The following VPS13B variants were observed in gnomAD, a reference collection of about 807,000 sequenced individuals.
The protein encoded by VPS13B is intermembrane lipid transfer protein VPS13B.
A neutral mutation model predicts 426.4 loss-of-function variants in VPS13B; 285 were observed. That is an observed-to-expected ratio of 0.67 (90% CI 0.61 to 0.74). The LOEUF (loss-of-function observed/expected upper bound fraction) is 0.74. VPS13B is among the 30% of genes least tolerant of loss of function. The probability of loss-of-function intolerance (pLI) is 0.00; values close to 1 mark genes in which losing one functional copy is unlikely to be tolerated. For synonymous variants in VPS13B, 1,676 were observed against 1,676.4 expected, an observed-to-expected ratio of 1.00 and a Z score of 0.01; for missense variants, 4,537 against 4,782.6, an observed-to-expected ratio of 0.95 and a Z score of 1.51.
intron 43 of VPS13B, among the ~76,000 whole-genome samples, chr8:99,792,577 C>G (rs1312987524): frequency 6.6e-6 from 1 of 152,122 alleles, no homozygotes; most frequent in Non-Finnish European, 1.5e-5. Flanking sequence ...GTTCTGATGG[C>G]CTATGAAGAG....
chr8:99,519,007 A>G (rs1563772956), intron 29 of VPS13B, among the ~76,000 whole-genome samples: 1 of 152,190 alleles, frequency 6.6e-6, no homozygotes, highest in South Asian at 2.1e-4. Flanking sequence ...AGAAAGTTGT[A>G]TATTGTTAAC....
intron 19 of VPS13B, among the ~76,000 whole-genome samples, chr8:99,292,838 A>C (rs974555874): frequency 3.3e-5 from 5 of 152,230 alleles, no homozygotes; most frequent in Non-Finnish European, 7.3e-5. Flanking sequence ...AGATACAGAC[A>C]GTGGTTTATT....
chr8:99,857,413 G>A (rs78657313), intron 56 of VPS13B, among the ~76,000 whole-genome samples: 2,613 of 152,252 alleles, frequency 0.017, 47 homozygotes, highest in African/African-American at 0.044. Context: ...CTGCCGTTAG[G>A]TACACCCTTA....
chr8:99,710,516 G>A (rs955220560), intron 36 of VPS13B, among the ~76,000 whole-genome samples: 9 of 152,118 alleles, frequency 5.9e-5, no homozygotes, highest in African/African-American at 2.2e-4. Context: ...GGGAAAAAAA[G>A]AAAGGCCTGA....
chr8:99,228,105 A>G (rs1816114102), intron 17 of VPS13B, among the ~76,000 whole-genome samples: 1 of 152,212 alleles, frequency 6.6e-6, no homozygotes, highest in Non-Finnish European at 1.5e-5. Flanking sequence ...GTGGAGGAGT[A>G]ATGCCCATTT....
intron 43 of VPS13B, among the ~76,000 whole-genome samples, chr8:99,797,747 T>C (rs2130749576): frequency 6.6e-6 from 1 of 152,334 alleles, no homozygotes; most frequent in South Asian, 2.1e-4. Context: ...TTCATGTATG[T>C]CTAACTCTTC....
chr8:99,237,380 A>G (rs969438794), intron 17 of VPS13B, among the ~76,000 whole-genome samples: 4 of 152,252 alleles, frequency 2.6e-5, no homozygotes, highest in Admixed American at 6.5e-5. Flanking sequence ...TTAACATTTT[A>G]TCACTGTTAT....
At position 99,265,586 on chromosome 8, in the gene VPS13B, C is replaced by A. The variant is rs185557612; in HGVS notation, c.2516-8612C>A. On this transcript the variant is annotated intron_variant, in intron 17 of 61. Transcript: ENST00000357162. The stretch of plus-strand genomic sequence containing the variant: ...TCTCCAAAGTAAACCCTTTAGTCTT[C>A]TGCCAGGTGAGTGTCAGGTAGTTAC... Among the ~76,000 whole-genome samples the A allele has an allele frequency of 2.5e-3, 375 of 152,212 alleles. 3 individuals carry two copies. Among genetic ancestry groups the A allele is most frequent in the African/African-American group, 7.9e-3 (329 of 41,560 alleles).
At chr8:99,130,601 A>G (rs1809732150) in intron 8 of VPS13B, among the ~76,000 whole-genome samples, 1 of 152,118 alleles carries the variant, frequency 6.6e-6, no homozygotes, top group Non-Finnish European at 1.5e-5. Context: ...CGTGTTAGCC[A>G]GGATGGTCTC....
At chr8:99,276,648 A>T (rs181833775) in intron 19 of VPS13B, among the ~76,000 whole-genome samples, 1 of 152,174 alleles carries the variant, frequency 6.6e-6, no homozygotes, top group African/African-American at 2.4e-5. Flanking sequence ...GATTTGGCCT[A>T]TGTGGTTTGT....
chr8:99,766,909 G>A lies in VPS13B; in HGVS notation c.7186G>A (p.Val2396Ile). The change falls in exon 40 of 62, where the codon GTA becomes ATA. Residue 2396 changes from valine (V) to isoleucine (I), a missense_variant. Physicochemically the swap from Val to Ile is conservative, Grantham distance 29. Around this residue, in one of 2 missense-constraint regions of VPS13B, gnomAD observed 4,311 missense variants for 4,474.3 expected, o/e 0.96. Coordinates refer to ENST00000357162, the MANE Select transcript of VPS13B (RefSeq NM_152564.5). ...INLVNDQKKL[V>I]SSDLWRIVLN... The stretch of plus-strand genomic sequence containing the variant: ...TCTCGTGAATGACCAGAAGAAATTA[G>A]TATCTTCAGATCTTTGGAGAATTGT... 2 of 1,614,008 alleles carry A rather than the reference G, an allele frequency of 1.2e-6. No individual in the cohort carries two copies. Among genetic ancestry groups the A allele is most frequent in the Non-Finnish European group, 8.5e-7 (1 of 1,179,946 alleles).
intron 39 of VPS13B, among the ~76,000 whole-genome samples, chr8:99,734,390 CAAGGTACTCTT>C (rs1160462876): frequency 1.3e-5 from 2 of 152,162 alleles, no homozygotes; most frequent in African/African-American, 4.8e-5. Context: ...ATCATATTTA[CAAGGTACTCTT>C]AATGTACATT....
At chr8:99,044,414 T>TG (rs1563502271) in intron 3 of VPS13B, among the ~76,000 whole-genome samples, 8 of 148,484 alleles carry the variant, frequency 5.4e-5, no homozygotes, top group African/African-American at 2.5e-5. Context: ...AAGTCAATGT[T>TG]TGTGTGTGTG....
chr8:99,598,788 CT>C (rs1827140389), intron 33 of VPS13B, among the ~76,000 whole-genome samples: 2 of 151,934 alleles, frequency 1.3e-5, no homozygotes, highest in Non-Finnish European at 2.9e-5. Context: ...TTCCTTAGCC[CT>C]CCCTTCCCTT....
intron 42 of VPS13B, among the ~76,000 whole-genome samples, chr8:99,784,031 T>C (rs1812142464): frequency 6.6e-6 from 1 of 152,214 alleles, no homozygotes; most frequent in African/African-American, 2.4e-5. Flanking sequence ...CTTTAAGAAA[T>C]GTTAAAAGTT....
At chr8:99,825,421 G>GTAAA (rs1814624258) in intron 51 of VPS13B, among the ~76,000 whole-genome samples, 1 of 151,938 alleles carries the variant, frequency 6.6e-6, no homozygotes, top group Admixed American at 6.6e-5. Flanking sequence ...TGATGGGGTT[G>GTAAA]GTTGGTTTTT....
At chr8:99,831,864 AT>A (rs1255698592) in intron 51 of VPS13B, among the ~76,000 whole-genome samples, 2 of 152,182 alleles carry the variant, frequency 1.3e-5, no homozygotes, top group Non-Finnish European at 2.9e-5. Flanking sequence ...GCTTCTAATT[AT>A]TTCATTAGGA....
chr8:99,724,763 G>C (rs1251942963), intron 39 of VPS13B, among the ~76,000 whole-genome samples: 2 of 152,066 alleles, frequency 1.3e-5, no homozygotes, highest in African/African-American at 4.8e-5. Flanking sequence ...GGAATTCCAG[G>C]CTCCAGTATC....
chr8:99,407,103 GCT>G (rs1490800633), intron 21 of VPS13B, among the ~76,000 whole-genome samples: 1 of 152,134 alleles, frequency 6.6e-6, no homozygotes, highest in Non-Finnish European at 1.5e-5. Flanking sequence ...GTATCCTATA[GCT>G]GAGAATTGTC....
Sources: gnomAD v4.1 joint callset for allele counts (sites outside exome capture counted in the v4.1 genomes callset) on GRCh38, gnomAD v4.1.1 for gene constraint, gnomAD v4.1.1 regional missense constraint, MANE v1.5 for transcripts, NCBI Gene and HGNC (gene_info 2026-07-23, HGNC 2026-07-21) for gene names.